Variants in FAM110B observed in about 807,000 individuals in gnomAD.
FAM110B encodes the protein family with sequence similarity 110 member B.
A neutral mutation model predicts 20.4 loss-of-function variants in FAM110B; 6 were observed. The observed-to-expected ratio is 0.29, with a 90% CI of 0.16 to 0.58. The LOEUF is 0.58. FAM110B is among the 20% of genes least tolerant of loss of function. The pLI is 0.90. For missense variants in FAM110B, 434 were observed against 498.2 expected, an observed-to-expected ratio of 0.87 and a Z score of 1.23; for synonymous variants, 226 against 214.1, an observed-to-expected ratio of 1.06 and a Z score of -0.49.
chr8:58,033,185 G>A (rs561646905), intron 2 of FAM110B, among the ~76,000 whole-genome samples: 1 of 152,188 alleles, frequency 6.6e-6, no homozygotes, highest in South Asian at 2.1e-4. Flanking sequence ...AATTCACTTA[G>A]GATAATGGCC....
chr8:58,038,755 C>CA (rs11420646), intron 2 of FAM110B, among the ~76,000 whole-genome samples: 25,408 of 138,146 alleles, frequency 0.18, 2,540 homozygotes, highest in African/African-American at 0.3. Context: ...GACTCTGTCT[C>CA]AAAAAAAAAA....
intron 3 of FAM110B, among the ~76,000 whole-genome samples, chr8:58,084,247 A>G (rs1466133886): frequency 6.6e-6 from 1 of 152,212 alleles, no homozygotes; most frequent in East Asian, 1.9e-4. Flanking sequence ...TAAAGAGAAG[A>G]TGAACTATAA....
intron 3 of FAM110B, among the ~76,000 whole-genome samples, chr8:58,084,127 G>A (rs915351375): frequency 1.2e-4 from 18 of 152,162 alleles, no homozygotes; most frequent in African/African-American, 4.1e-4. Flanking sequence ...CCTGAGGTCA[G>A]CAGGCTACTG....
chr8:58,128,951 G>A (rs1465060000), intron 3 of FAM110B, among the ~76,000 whole-genome samples: 3 of 152,084 alleles, frequency 2.0e-5, no homozygotes, highest in African/African-American at 7.2e-5. Flanking sequence ...TGCATTTATT[G>A]AAATGTCTTT....
In FAM110B at chr8:58,147,016, C is replaced by G; in HGVS notation, c.786C>G (p.Asp262Glu). ...CCTCCCTCCAGCGGTCTAAGTCAGA[C>G]TTGAGTGACAGATATTTCCGAGTGG... is the stretch of plus-strand genomic sequence containing the variant. ...RRPSLQRSKS[D>E]LSDRYFRVDA... is the part of the protein sequence containing the mutation. Residue 262 changes from aspartate (D) to glutamate (E), a missense_variant, in exon 4 of 4, where the codon GAC becomes GAG. Around this residue, in one of 3 missense-constraint regions of FAM110B, gnomAD observed 284 missense variants for 278.3 expected, o/e 1.02. Transcript: ENST00000519262. The G allele has an allele frequency of 6.2e-7, 1 of 1,614,222 alleles. No individual in the cohort carries two copies. Among genetic ancestry groups the G allele is most frequent in the Non-Finnish European group, 8.5e-7 (1 of 1,180,046 alleles).
chr8:58,080,624 A>G (rs1422316879), intron 3 of FAM110B, among the ~76,000 whole-genome samples: 2 of 152,214 alleles, frequency 1.3e-5, no homozygotes, highest in African/African-American at 4.8e-5. Context: ...TTTAGTGAGC[A>G]CTGGAGTGTC....
chr8:58,045,290 C>T (rs943087838), intron 2 of FAM110B, among the ~76,000 whole-genome samples: 2 of 152,218 alleles, frequency 1.3e-5, no homozygotes, highest in Non-Finnish European at 2.9e-5. Context: ...CACACTCTCT[C>T]TCGCTACTGT....
At chr8:58,027,896 C>T (rs1417606122) in intron 1 of FAM110B, among the ~76,000 whole-genome samples, 1 of 152,188 alleles carries the variant, frequency 6.6e-6, no homozygotes, top group Non-Finnish European at 1.5e-5. Context: ...AATAAGGCTG[C>T]TGTGAACATT....
chr8:58,097,556 A>G (rs1055564853), intron 3 of FAM110B, among the ~76,000 whole-genome samples: 1 of 152,204 alleles, frequency 6.6e-6, no homozygotes, highest in Non-Finnish European at 1.5e-5. Flanking sequence ...CAGTTCATCA[A>G]ACTCATCCTC....
chr8:58,117,989 C>G (rs958049240), intron 3 of FAM110B, among the ~76,000 whole-genome samples: 72 of 152,132 alleles, frequency 4.7e-4, no homozygotes, highest in African/African-American at 1.7e-3. Context: ...ACAACACTGT[C>G]AAATCAGCTT....
intron 2 of FAM110B, among the ~76,000 whole-genome samples, chr8:58,043,923 C>T (rs1056079150): frequency 6.6e-6 from 1 of 152,188 alleles, no homozygotes; most frequent in Admixed American, 6.5e-5. Flanking sequence ...CAGACTGATT[C>T]TAGAATTCCC....
intron 3 of FAM110B, among the ~76,000 whole-genome samples, chr8:58,145,564 A>T (rs973552669): frequency 3.3e-5 from 5 of 152,204 alleles, no homozygotes; most frequent in Admixed American, 3.3e-4. Context: ...CCTCATTCCT[A>T]CGTTCATCAA....
At chr8:58,028,763 G>A (rs1230113019) in intron 1 of FAM110B, among the ~76,000 whole-genome samples, 1 of 152,196 alleles carries the variant, frequency 6.6e-6, no homozygotes, top group Non-Finnish European at 1.5e-5. Flanking sequence ...GCGTAGAGGA[G>A]TTCTTCTGTC....
At chr8:58,014,073 G>A (rs1401861730) in intron 1 of FAM110B, among the ~76,000 whole-genome samples, 3 of 152,038 alleles carry the variant, frequency 2.0e-5, no homozygotes, top group East Asian at 3.9e-4. Flanking sequence ...GAAAAGGCCC[G>A]AGCCAAACTA....
At chr8:58,145,151 A>G (rs1483655675) in intron 3 of FAM110B, among the ~76,000 whole-genome samples, 2 of 152,164 alleles carry the variant, frequency 1.3e-5, no homozygotes, top group African/African-American at 2.4e-5. Context: ...CAATCAAATT[A>G]TCTACTCATA....
chr8:58,039,750 T>TAC (rs1465141699), intron 2 of FAM110B, among the ~76,000 whole-genome samples: 1 of 151,968 alleles, frequency 6.6e-6, no homozygotes. Flanking sequence ...TATTTAAACA[T>TAC]ACACACACAC....
intron 3 of FAM110B, among the ~76,000 whole-genome samples, chr8:58,128,921 C>A (rs781593444): frequency 6.6e-6 from 1 of 152,140 alleles, no homozygotes; most frequent in Non-Finnish European, 1.5e-5. Context: ...GAATCATTGG[C>A]TCTTCATAGA....
At chr8:58,122,358 C>T (rs1480684754) in intron 3 of FAM110B, among the ~76,000 whole-genome samples, 1 of 152,048 alleles carries the variant, frequency 6.6e-6, no homozygotes, top group South Asian at 2.1e-4. Flanking sequence ...TGTATCCCTT[C>T]ATCTGATTAA....
chr8:58,122,421 C>T (rs1276811036), intron 3 of FAM110B, among the ~76,000 whole-genome samples: 16 of 152,060 alleles, frequency 1.1e-4, no homozygotes, highest in Non-Finnish European at 1.8e-4. Context: ...TTCTATTACC[C>T]TTGCTTATAA....
Sources: gnomAD v4.1 joint callset for allele counts (sites outside exome capture counted in the v4.1 genomes callset) on GRCh38, gnomAD v4.1.1 for gene constraint, gnomAD v4.1.1 regional missense constraint, MANE v1.5 for transcripts, NCBI Gene and HGNC (gene_info 2026-07-23, HGNC 2026-07-21) for gene names.